OCA2: variants seen among roughly 807,000 people sequenced by gnomAD.
The protein encoded by OCA2 is OCA2 melanosomal transmembrane protein.
Under a neutral mutation model 100.2 loss-of-function variants are expected in OCA2, and 77 were observed. The ratio of observed to expected loss-of-function variants is 0.77; its 90% CI spans 0.64 to 0.93. OCA2 has a LOEUF of 0.93. Ranked by LOEUF, OCA2 falls within the 40% of genes least tolerant of loss-of-function variation. OCA2 has a pLI of 0.00. For missense variants in OCA2, 1,062 were observed against 1,089.1 expected (o/e 0.98, Z 0.35); for synonymous variants, 432 against 439.2 (o/e 0.98, Z 0.21).
intron 19 of OCA2, among the ~76,000 whole-genome samples, chr15:27,875,161 G>C (rs754378184): frequency 6.6e-6 from 1 of 152,096 alleles, no homozygotes; most frequent in Non-Finnish European, 1.5e-5. Context: ...ACAATAAACA[G>C]ATAATGGAGT....
chr15:27,832,482 G>T (rs1047461665), intron 23 of OCA2, among the ~76,000 whole-genome samples: 2 of 152,118 alleles, frequency 1.3e-5, no homozygotes, highest in Admixed American at 1.3e-4. Context: ...CATCTTCAGC[G>T]CCATCCTCTT....
rs201554429 is a variant in OCA2, at chr15:28,081,838, C to G, written c.37G>C (p.Gly13Arg). The G allele has an allele frequency of 1.2e-6, 2 of 1,611,312 alleles. No homozygotes were observed. The highest frequency in any genetic ancestry group is 1.7e-6 in the Non-Finnish European group (2 of 1,179,710). Residue 13 changes from glycine (G) to arginine (R), a missense_variant, in exon 2 of 24, where the codon GGC becomes CGC. Transcript: ENST00000354638. ...LEGRDGRRYP[G>R]APAVELLQTS... is the part of the protein sequence containing the mutation. ...TGCAGGAGCTCCACCGCCGGCGCGC[C>G]GGGGTACCGCCTGCCGTCTCTGCCC...
chr15:27,935,262 T>C (rs942075370), intron 18 of OCA2, among the ~76,000 whole-genome samples: 2 of 152,232 alleles, frequency 1.3e-5, no homozygotes, highest in African/African-American at 4.8e-5. Context: ...CTTTATCCTG[T>C]GGAGCTTCTA....
intron 3 of OCA2, among the ~76,000 whole-genome samples, chr15:28,028,790 A>G (rs2042830864): frequency 6.6e-6 from 1 of 152,114 alleles, no homozygotes; most frequent in Non-Finnish European, 1.5e-5. Flanking sequence ...GGTTCAAGCG[A>G]TTCTCCTGCC....
intron 23 of OCA2, among the ~76,000 whole-genome samples, chr15:27,818,353 C>T (rs2034383369): frequency 2.0e-5 from 3 of 152,172 alleles, no homozygotes; most frequent in Admixed American, 1.3e-4. Flanking sequence ...CACACCACCG[C>T]ACTCCAGCCT....
chr15:27,913,888 AAAGAAAGCAAGC>A (rs1368442451), intron 19 of OCA2, among the ~76,000 whole-genome samples: 153 of 57,324 alleles, frequency 2.7e-3, no homozygotes, highest in South Asian at 4.3e-3. Flanking sequence ...AGAAAGAAAG[AAAGAAAGCAAGC>A]AAGCAAGCAA....
intron 4 of OCA2, 126 bp downstream of exon 4, chr15:28,027,745 A>C (rs920557269): frequency 3.8e-5 from 37 of 982,754 alleles, no homozygotes; most frequent in Non-Finnish European, 5.3e-5. Flanking sequence ...GGAAAAGTGC[A>C]GCCTGGCCAG....
At chr15:27,843,313 G>A (rs1036600432) in intron 23 of OCA2, among the ~76,000 whole-genome samples, 4 of 152,140 alleles carry the variant, frequency 2.6e-5, no homozygotes, top group African/African-American at 9.7e-5. Flanking sequence ...ATCTCTTCCT[G>A]CTGCCCACTC....
At chr15:27,794,999 T>C (rs1345236627) in intron 23 of OCA2, among the ~76,000 whole-genome samples, 3 of 152,190 alleles carry the variant, frequency 2.0e-5, no homozygotes, top group African/African-American at 7.2e-5. Flanking sequence ...ACCCTCACTA[T>C]AGCATGGGAA....
intron 23 of OCA2, among the ~76,000 whole-genome samples, chr15:27,765,184 A>G (rs2151007336): frequency 6.6e-6 from 1 of 152,246 alleles, no homozygotes; most frequent in Non-Finnish European, 1.5e-5. Context: ...CTATCTCAGC[A>G]CTGACTGAGT....
chr15:28,090,722 C>G (rs1452438240), intron 1 of OCA2, among the ~76,000 whole-genome samples: 1 of 152,032 alleles, frequency 6.6e-6, no homozygotes, highest in Non-Finnish European at 1.5e-5. Context: ...AGCATAAATG[C>G]TGGTATCAAA....
chr15:28,019,505 T>C (rs2042521621), intron 6 of OCA2, among the ~76,000 whole-genome samples: 3 of 152,114 alleles, frequency 2.0e-5, no homozygotes, highest in Non-Finnish European at 4.4e-5. Context: ...ACCCTGCAAC[T>C]ACCGAACCGA....
Position 27,957,844 on chromosome 15 carries a change from A to C in OCA2, c.1637-109T>G. ...GCCTGACAGAGCAGACACACACTCG[A>C]GACGTGCAGGTAGCCCAGGGTCACC... is the stretch of plus-strand genomic sequence containing the variant. On this transcript the variant is annotated intron_variant, in intron 15 of 23. Coordinates refer to ENST00000354638, the MANE Select transcript of OCA2 (RefSeq NM_000275.3). This position sits in a 1 kb window ranked among gnomAD's most constrained non-coding sequence, Gnocchi z 4.3. 1.5e-6 allele frequency: 2 copies of C among 1,353,786 alleles called. No individual in the cohort carries two copies. Among genetic ancestry groups the C allele is most frequent in the South Asian group, 2.4e-5 (2 of 82,418 alleles). 83.9% of individuals were successfully genotyped at this position (1,353,786 alleles called of 1,614,324 possible). A position where few individuals can be genotyped will look rare whatever the true frequency, so the allele number is the denominator to read the frequency against.
chr15:27,892,783 G>C (rs191427368), intron 19 of OCA2, among the ~76,000 whole-genome samples: 2 of 152,074 alleles, frequency 1.3e-5, no homozygotes, highest in East Asian at 3.9e-4. Flanking sequence ...TGTTTCTTTG[G>C]GTAAAATCAG....
chr15:27,987,495 G>A (rs990892561), intron 11 of OCA2, among the ~76,000 whole-genome samples: 2 of 152,044 alleles, frequency 1.3e-5, no homozygotes, highest in Non-Finnish European at 1.5e-5. Flanking sequence ...CAAGGCGGGC[G>A]GATCACGAGA....
intron 18 of OCA2, among the ~76,000 whole-genome samples, chr15:27,933,775 T>C (rs1250431440): frequency 1.3e-5 from 2 of 152,154 alleles, no homozygotes; most frequent in Non-Finnish European, 2.9e-5. Context: ...CATAGCGGAA[T>C]GTTGTAAGGT....
chr15:28,097,034 T>C (rs1269340641), intron 1 of OCA2, among the ~76,000 whole-genome samples: 2 of 152,150 alleles, frequency 1.3e-5, no homozygotes, highest in Non-Finnish European at 2.9e-5. Flanking sequence ...CCCGGCGCTG[T>C]GCCGCTGTAG....
chr15:27,925,193 T>G (rs1322016935), intron 19 of OCA2, among the ~76,000 whole-genome samples: 5 of 152,058 alleles, frequency 3.3e-5, no homozygotes, highest in African/African-American at 1.2e-4. Flanking sequence ...TCACAGAATA[T>G]CACTAATAAT....
chr15:28,031,235 A>T (rs2042899195), intron 3 of OCA2, among the ~76,000 whole-genome samples: 1 of 152,234 alleles, frequency 6.6e-6, no homozygotes, highest in Non-Finnish European at 1.5e-5. Flanking sequence ...CACTGATCCC[A>T]TTCCTTTGGA....
Sources: allele counts gnomAD v4.1 joint callset (sites outside exome capture counted in the v4.1 genomes callset), GRCh38; gene constraint gnomAD v4.1.1; non-coding constraint Gnocchi (gnomAD v3.1); transcripts MANE v1.5; gene names NCBI Gene and HGNC (gene_info 2026-07-23, HGNC 2026-07-21).